Variants in XKRX observed in about 807,000 individuals in gnomAD.
XKRX encodes the protein XK-related protein 2.
A neutral mutation model predicts 22.4 loss-of-function variants in XKRX; 11 were observed. The ratio of observed to expected loss-of-function variants is 0.49; its 90% CI spans 0.31 to 0.81. The LOEUF (loss-of-function observed/expected upper bound fraction) is 0.81, where lower values mean the gene tolerates loss of function less well. Ranked by LOEUF, XKRX falls within the 40% of genes least tolerant of loss-of-function variation. The probability of loss-of-function intolerance (pLI) is 0.05; values close to 1 mark genes in which losing one functional copy is unlikely to be tolerated. For synonymous variants in XKRX, 114 were observed against 132.2 expected (o/e 0.86, Z 0.94); for missense variants, 320 against 336.5 (o/e 0.95, Z 0.38).
chrX:100,908,101 C>T, the XKRX span, among the ~76,000 whole-genome samples: 1 of 11,783 alleles, frequency 8.5e-5, no homozygotes, highest in East Asian at 3.2e-3. Flanking sequence ...TATTTTCATG[C>T]ATGGAGTGTG....
the XKRX span, among the ~76,000 whole-genome samples, chrX:100,891,761 A>AG: frequency 1.8e-4 from 13 of 73,855 alleles, no homozygotes; most frequent in African/African-American, 6.0e-4. Flanking sequence ...AGAAGAAAGA[A>AG]GAAAAGAAAG....
upstream of XKRX, among the ~76,000 whole-genome samples, chrX:100,932,339 G>T (rs2085524092): frequency 9.0e-6 from 1 of 111,167 alleles, no homozygotes; most frequent in East Asian, 2.8e-4. Flanking sequence ...GAGGCTCTAG[G>T]AACCCCTGTC....
rs2147942233 is a variant in XKRX at position 100,922,954 on chromosome X, A to G, written c.443T>C (p.Val148Ala). 1 of 1,209,224 alleles carries G rather than the reference A, an allele frequency of 8.3e-7. No individual in the cohort carries two copies. The highest frequency in any genetic ancestry group is 1.1e-6 in the Non-Finnish European group (1 of 895,036). ...RKKMLIDGEEVLIEWEVGHSI... is the reference protein window; with the variant it reads ...RKKMLIDGEEALIEWEVGHSI... ...GTGGCCCACCTCCCATTCTATCAGC[A>G]CCTCCTCGCCATCTATTAGCATCTT... Residue 148 changes from valine to alanine, a missense_variant, in exon 2 of 3, where the codon GTG (valine) becomes GCG (alanine). Coordinates refer to ENST00000372956, the MANE Select transcript of XKRX (RefSeq NM_212559.3).
chrX:100,888,305 T>C, the XKRX span: 2 of 699,348 alleles, frequency 2.9e-6, no homozygotes, highest in African/African-American at 4.2e-5. Context: ...ACCTGATCTT[T>C]GATAATCTTC....
the XKRX span, among the ~76,000 whole-genome samples, chrX:100,903,339 T>C: frequency 1.8e-5 from 2 of 111,787 alleles, no homozygotes; most frequent in African/African-American, 6.5e-5. Context: ...TCTGAAATAA[T>C]TGACAAAAAA....
the XKRX span, among the ~76,000 whole-genome samples, chrX:100,936,447 A>T: frequency 1.0e-5 from 1 of 100,003 alleles, no homozygotes. Flanking sequence ...AGGCTGAGGC[A>T]GGAGAATCGA....
chrX:100,939,971 A>G, the XKRX span, among the ~76,000 whole-genome samples: 1 of 112,315 alleles, frequency 8.9e-6, no homozygotes, highest in Non-Finnish European at 1.9e-5. Flanking sequence ...GCTTTGAAAT[A>G]CAACTCATTC....
At chrX:100,957,581 CTATT>C in the XKRX span, 2 of 820,687 alleles carry the variant, frequency 2.4e-6, no homozygotes, top group Non-Finnish European at 3.5e-6. Context: ...CAAACCAGCA[CTATT>C]TATTTAGCCT....
the XKRX span, chrX:100,888,587 G>T: frequency 2.1e-6 from 1 of 476,820 alleles, no homozygotes; most frequent in South Asian, 3.3e-5. Context: ...CTCTGACTTA[G>T]ACACGACGGA....
chrX:100,954,374 G>C, the XKRX span, among the ~76,000 whole-genome samples: 3 of 109,374 alleles, frequency 2.7e-5, no homozygotes, highest in Non-Finnish European at 5.7e-5. Context: ...AGCCAAGATT[G>C]TGCCACTGCA....
At chrX:100,917,299 T>A (rs779983986) in intron 2 of XKRX, among the ~76,000 whole-genome samples, 1 of 108,785 alleles carries the variant, frequency 9.2e-6, no homozygotes, top group South Asian at 4.0e-4. Flanking sequence ...AGAAAAAAAA[T>A]AAAAAATAAA....
intron 2 of XKRX, among the ~76,000 whole-genome samples, chrX:100,919,291 A>G (rs1056347308): frequency 8.9e-6 from 1 of 112,015 alleles, no homozygotes; most frequent in Admixed American, 9.6e-5. Flanking sequence ...CTACCAGATG[A>G]GAGATGTGAT....
At chrX:100,888,022 T>G in the XKRX span, 1 of 1,115,274 alleles carries the variant, frequency 9.0e-7, no homozygotes, top group Non-Finnish European at 1.2e-6. Flanking sequence ...CCTCTTTGGC[T>G]GGAAGAAGCA....
the XKRX span, chrX:100,957,352 T>C: frequency 8.4e-7 from 1 of 1,188,236 alleles, no homozygotes; most frequent in Non-Finnish European, 1.1e-6. Context: ...GTTACTGGTC[T>C]TTTCCACCTC....
At chrX:100,920,799 G>T (rs1318594388) in intron 2 of XKRX, among the ~76,000 whole-genome samples, 2 of 111,143 alleles carry the variant, frequency 1.8e-5, no homozygotes, top group African/African-American at 6.6e-5. Context: ...TCCCTCTGTC[G>T]CCCAGGCTGG....
At chrX:100,891,861 G>T in the XKRX span, among the ~76,000 whole-genome samples, 2 of 110,213 alleles carry the variant, frequency 1.8e-5, no homozygotes, top group African/African-American at 3.3e-5. Flanking sequence ...GAATGAAACT[G>T]GACCCTTATC....
the XKRX span, among the ~76,000 whole-genome samples, chrX:100,908,318 T>C: frequency 1.8e-5 from 2 of 111,066 alleles, no homozygotes; most frequent in Admixed American, 9.6e-5. Context: ...GGTTTCACCA[T>C]GTTGCCCAGG....
At chrX:100,957,364 G>A in the XKRX span, 1 of 1,198,363 alleles carries the variant, frequency 8.3e-7, no homozygotes, top group Non-Finnish European at 1.1e-6. Context: ...TTCCACCTCT[G>A]GCCTGAAAAA....
the XKRX span, among the ~76,000 whole-genome samples, chrX:100,954,008 A>T: frequency 9.0e-6 from 1 of 111,493 alleles, no homozygotes; most frequent in Non-Finnish European, 1.9e-5. Flanking sequence ...TTCTCCAAAG[A>T]AGATGTACAA....
Sources: gnomAD v4.1 joint callset for allele counts (sites outside exome capture counted in the v4.1 genomes callset) on GRCh38, gnomAD v4.1.1 for gene constraint, MANE v1.5 for transcripts, NCBI Gene and HGNC (gene_info 2026-07-23, HGNC 2026-07-21) for gene names.